PPM1N: variants seen among roughly 807,000 people sequenced by gnomAD.
PPM1N encodes probable protein phosphatase 1N.
In PPM1N, 35 loss-of-function variants were observed where a neutral mutation model predicts 32.6. The observed-to-expected ratio is 1.07, with a 90% CI of 0.82 to 1.43. The LOEUF (loss-of-function observed/expected upper bound fraction) is 1.43. PPM1N is among the 40% of genes most tolerant of loss of function. PPM1N has a pLI of 0.00. For missense variants in PPM1N, 648 were observed against 606.6 expected, an observed-to-expected ratio of 1.07 and a Z score of -0.72; for synonymous variants, 275 against 270.5, an observed-to-expected ratio of 1.02 and a Z score of -0.16.
At chr19:45,499,823 A>T in intron 1 of PPM1N, 126 bp from the exon 2 acceptor site, 1 of 1,494,580 alleles carries the variant, frequency 6.7e-7, no homozygotes, top group Non-Finnish European at 8.9e-7. Context: ...GAGGATTGGC[A>T]GGTGGGTGGG....
At chr19:45,500,087 C>T in intron 2 of PPM1N, 21 bp downstream of exon 2, 1 of 1,567,298 alleles carries the variant, frequency 6.4e-7, no homozygotes, top group Non-Finnish European at 8.7e-7. Context: ...TCTGGGGGCC[C>T]AGCTGGAGGG....
chr19:45,500,515 T>A lies in PPM1N; in HGVS notation c.1117T>A (p.Ser373Thr). Residue 373 changes from serine to threonine, a missense_variant, in exon 3 of 5, where the codon TCA becomes ACA. Ser to Thr is a moderately conservative substitution (Grantham distance 58). Coordinates refer to ENST00000451287, the MANE Select transcript of PPM1N (RefSeq NM_001080401.2). The part of the protein sequence containing the change: ...SLNTVFRTLA[S>T]EDIPDLPPGG... ...GAACACAGTTTTCAGGACTCTGGCC[T>A]CAGAGGACATCCCAGATTTACCTCC... is the stretch of plus-strand genomic sequence containing the variant. 4 of 1,611,724 alleles carry A rather than the reference T, an allele frequency of 2.5e-6. No homozygotes were observed. The highest frequency in any genetic ancestry group is 3.4e-6 in the Non-Finnish European group (4 of 1,178,920).
intron 2 of PPM1N, 90 bp from the exon 3 acceptor site, chr19:45,500,366 C>T: frequency 2.5e-6 from 3 of 1,193,982 alleles, no homozygotes; most frequent in Admixed American, 2.1e-5. Context: ...AACCCCTGGC[C>T]TCAAGTGATC....
At chr19:45,501,007 C>T (rs1568629535) in intron 4 of PPM1N, among the ~76,000 whole-genome samples, 1 of 152,116 alleles carries the variant, frequency 6.6e-6, no homozygotes, top group East Asian at 1.9e-4. Context: ...GGAGCCACTG[C>T]AACCCAGCCA....
Position 45,499,287 on chromosome 19 carries a change from C to T in PPM1N, c.815C>T (p.Ala272Val). The T allele has an allele frequency of 6.2e-7, 1 of 1,612,946 alleles. No homozygotes were observed. The highest frequency in any genetic ancestry group is 1.1e-5 in the South Asian group (1 of 91,074). Residue 272 changes from alanine (A) to valine (V), a missense_variant, in exon 1 of 5, where the codon GCC (alanine) becomes GTC (valine). By Grantham distance (64) the Ala-to-Val change is moderately conservative (BLOSUM62 0). Coordinates refer to ENST00000451287, the MANE Select transcript of PPM1N (RefSeq NM_001080401.2). ...RQAEDEFMLL[A>V]SDGVWDTVSG... ...GCTGAGGACGAGTTCATGCTCCTGGCCTCTGATGGCGTCTGGGACACTGTG... is the reference window on the plus strand; with the variant it reads ...GCTGAGGACGAGTTCATGCTCCTGGTCTCTGATGGCGTCTGGGACACTGTG...
In PPM1N at chr19:45,498,545, G is replaced by A. The variant is rs1418241279; in HGVS notation, c.73G>A (p.Gly25Arg). The change falls in exon 1 of 5, where the codon GGG becomes AGG. Residue 25 changes from glycine (G) to arginine (R), a missense_variant. Coordinates refer to ENST00000451287, the MANE Select transcript of PPM1N (RefSeq NM_001080401.2). ...ACKKKEREKE[G>R]REEEEEEEAG... is the part of the protein sequence containing the mutation. Reference sequence around the variant, plus strand: ...CAAGAAAAAGGAGAGGGAGAAGGAGGGGAGGGAGGAAGAGGAGGAGGAGGA... The same window carrying A: ...CAAGAAAAAGGAGAGGGAGAAGGAGAGGAGGGAGGAAGAGGAGGAGGAGGA... 14 of 1,453,564 alleles carry A rather than the reference G, an allele frequency of 9.6e-6. No individual in the cohort carries two copies. The highest frequency in any genetic ancestry group is 1.5e-5 in the African/African-American group (1 of 66,908). The allele number at this position is 1,453,564 out of a possible 1,614,324, so 90.0% of individuals were successfully genotyped here.
chr19:45,498,584 GC>G lies in PPM1N; in HGVS notation c.117del (p.Glu40LysfsTer7). On this transcript the variant is annotated frameshift_variant, in exon 1 of 5. Coordinates refer to ENST00000451287, the MANE Select transcript of PPM1N (RefSeq NM_001080401.2). LOFTEE classifies it high-confidence loss of function. ...EEEEEEAGRR[A>X]PEGPRSLLTA... ...GGAGGAGGAGGAGGCGGGGCGCAGG[GC>G]CCCCGAAGGGCCTCGGTCTCTGTTG... 2 of 1,458,468 alleles carry G rather than the reference GC, an allele frequency of 1.4e-6. No homozygotes were observed. Among genetic ancestry groups the G allele is most frequent in the South Asian group, 1.4e-5 (1 of 72,892 alleles). The allele number at this position is 1,458,468 out of a possible 1,614,324, so 90.3% of individuals were successfully genotyped here.
chr19:45,499,198 G>A lies in PPM1N; in HGVS notation c.726G>A (p.Pro242=), dbSNP rs3745821. The A allele has an allele frequency of 1.9e-6, 3 of 1,555,994 alleles. No homozygotes were observed. The highest frequency in any genetic ancestry group is 2.6e-6 in the Non-Finnish European group (3 of 1,157,898). ...ALGDFTYKEA[P]GRPPELQLVS... is the part of the protein sequence containing the mutation. ...GCGACTTTACCTACAAGGAGGCTCC[G>A]GGGAGGCCCCCCGAGCTACAGCTCG... is the stretch of plus-strand genomic sequence containing the variant. Residue 242 remains proline, a synonymous_variant, in exon 1 of 5, where the codon CCG becomes CCA. Coordinates refer to ENST00000451287, the MANE Select transcript of PPM1N (RefSeq NM_001080401.2).
Position 45,498,681 on chromosome 19 carries a change from G to A in PPM1N, c.209G>A (p.Ser70Asn), listed in dbSNP as rs889297101. The A allele has an allele frequency of 2.1e-6, 3 of 1,457,052 alleles. No homozygotes were observed. In the African/African-American group the frequency reaches 4.5e-5, roughly 22 times the overall value. The allele number at this position is 1,457,052 out of a possible 1,614,324, so 90.3% of individuals were successfully genotyped here. Reference protein sequence around the residue: ...EASGGLRFGASAAQGWRARME... With the variant: ...EASGGLRFGANAAQGWRARME... ...TCTGGGGGCCTGCGCTTCGGGGCGA[G>A]CGCAGCGCAAGGCTGGCGCGCGCGC... is the stretch of plus-strand genomic sequence containing the variant. The change falls in exon 1 of 5, where the codon AGC becomes AAC. Residue 70 changes from serine (S) to asparagine (N), a missense_variant. Transcript: ENST00000451287.
At chr19:45,501,131 G>C (rs910123811) in intron 4 of PPM1N, among the ~76,000 whole-genome samples, 1 of 152,156 alleles carries the variant, frequency 6.6e-6, no homozygotes. Context: ...AATGTGAGCC[G>C]GCAACGCTCT....
At chr19:45,499,741 GGCGGA>G in intron 1 of PPM1N, 1 of 1,531,252 alleles carries the variant, frequency 6.5e-7, no homozygotes, top group Non-Finnish European at 8.8e-7. Flanking sequence ...CATCAGAGCG[GGCGGA>G]GCTTTAGGGA....
intron 1 of PPM1N, chr19:45,499,746 A>T: frequency 6.6e-7 from 1 of 1,524,696 alleles, no homozygotes; most frequent in Non-Finnish European, 8.8e-7. Flanking sequence ...GAGCGGGCGG[A>T]GCTTTAGGGA....
intron 1 of PPM1N, 73 bp downstream of exon 1, chr19:45,499,484 G>A: frequency 6.3e-7 from 1 of 1,593,030 alleles, no homozygotes; most frequent in Non-Finnish European, 8.5e-7. Context: ...TTTTGGGGAG[G>A]AGGGCTTTGA....
intron 2 of PPM1N, 65 bp downstream of exon 2, chr19:45,500,131 T>C: frequency 6.8e-7 from 1 of 1,476,100 alleles, no homozygotes. Flanking sequence ...CCATAACTTT[T>C]TCTTTTTTTC....
chr19:45,500,462 G>T lies in PPM1N; in HGVS notation c.1064G>T (p.Cys355Phe). The T allele has an allele frequency of 6.2e-7, 1 of 1,606,442 alleles. No individual in the cohort carries two copies. Among genetic ancestry groups the T allele is most frequent in the Non-Finnish European group, 8.5e-7 (1 of 1,176,384 alleles). ...ACTCTTGACTCTTTCTCAGAACTGTGTGCCTCTGCTCAGAAGCCCCCCAGC... is the reference window on the plus strand; with the variant it reads ...ACTCTTGACTCTTTCTCAGAACTGTTTGCCTCTGCTCAGAAGCCCCCCAGC... Reference protein sequence around the residue: ...AALGCRIAELCASAQKPPSLN... With the variant: ...AALGCRIAELFASAQKPPSLN... The change falls in exon 3 of 5, where the codon TGT becomes TTT. Residue 355 changes from cysteine (C) to phenylalanine (F), a missense_variant. By Grantham distance (205) the Cys-to-Phe change is radical. Transcript: ENST00000451287.
chr19:45,499,668 T>A, intron 1 of PPM1N: 2 of 1,547,724 alleles, frequency 1.3e-6, no homozygotes, highest in South Asian at 2.4e-5. Context: ...AAGGGGCGAT[T>A]CTGGGTCGTA....
In PPM1N at chr19:45,500,445, C is replaced by A. The variant is rs771264334; in HGVS notation, c.1058-11C>A. 3.8e-6 allele frequency: 6 copies of A among 1,597,240 alleles called. No individual in the cohort carries two copies. The highest frequency in any genetic ancestry group is 4.3e-6 in the Non-Finnish European group (5 of 1,171,444). ...CCACTGTGCCCAGCCTAACTCTTGACTCTTTCTCAGAACTGTGTGCCTCTG... is the reference window on the plus strand; with the variant it reads ...CCACTGTGCCCAGCCTAACTCTTGAATCTTTCTCAGAACTGTGTGCCTCTG... On this transcript the variant is annotated splice_polypyrimidine_tract_variant and intron_variant, in intron 2 of 4. Coordinates refer to ENST00000451287, the MANE Select transcript of PPM1N (RefSeq NM_001080401.2).
At position 45,502,083 on chromosome 19, in the gene PPM1N, T is replaced by C; in HGVS notation, c.1291T>C (p.Ter431ArgextTer92). The C allele has an allele frequency of 6.3e-7, 1 of 1,583,600 alleles. No individual in the cohort carries two copies. Among genetic ancestry groups the C allele is most frequent in the Non-Finnish European group, 8.6e-7 (1 of 1,168,104 alleles). ...HLGSALDMEA* is the reference protein window; with the variant it reads ...HLGSALDMEAR The stretch of plus-strand genomic sequence containing the variant: ...GGGCTCAGCCTTGGACATGGAGGCC[T>C]GACAGCTGTTGTCCTTTGGGGATCC... Residue 431 changes from the stop codon to arginine (R), a stop_lost, in exon 5 of 5, where the codon TGA (stop) becomes CGA (arginine). Transcript: ENST00000451287.
In PPM1N at chr19:45,498,882, G is replaced by C. The variant is rs754870692; in HGVS notation, c.410G>C (p.Arg137Pro). 2.6e-6 allele frequency: 4 copies of C among 1,512,632 alleles called. No individual in the cohort carries two copies. In the East Asian group the frequency reaches 1.0e-4, roughly 39 times the overall value. 93.7% of individuals were successfully genotyped at this position (1,512,632 alleles called of 1,614,324 possible). A position where few individuals can be genotyped will look rare whatever the true frequency, so the allele number is the denominator to read the frequency against. Residue 137 changes from arginine (R) to proline (P), a missense_variant, in exon 1 of 5, where the codon CGC becomes CCC. Physicochemically the swap from Arg to Pro is moderately radical, Grantham distance 103 (BLOSUM62 -2). Transcript: ENST00000451287. ...GPEPSEPEGV[R>P]EALRRAFLSA... is the part of the protein sequence containing the mutation. ...GAGCCTAGCGAGCCCGAGGGCGTGC[G>C]CGAGGCGCTGCGCCGAGCCTTCTTG...
Sources: allele counts gnomAD v4.1 joint callset (sites outside exome capture counted in the v4.1 genomes callset), GRCh38; gene constraint gnomAD v4.1.1; transcripts MANE v1.5; gene names NCBI Gene and HGNC (gene_info 2026-07-23, HGNC 2026-07-21).